The following WDR70 variants were observed in gnomAD, a reference collection of about 807,000 sequenced individuals.
WDR70 encodes the protein WD repeat-containing protein 70.
Under a neutral mutation model 88.6 loss-of-function variants are expected in WDR70, and 53 were observed. That is an observed-to-expected ratio of 0.60 (90% CI 0.48 to 0.75). The LOEUF is 0.75. Among genes scored for constraint, WDR70 ranks in the 30% least tolerant of loss-of-function variants. The pLI is 0.00. For missense variants in WDR70, 610 were observed against 823.2 expected (o/e 0.74, Z 3.17); for synonymous variants, 280 against 270.0 (o/e 1.04, Z -0.36).
At chr5:37,525,306 G>T (rs958196415) in intron 9 of WDR70, among the ~76,000 whole-genome samples, 4 of 152,132 alleles carry the variant, frequency 2.6e-5, no homozygotes, top group African/African-American at 9.7e-5. Flanking sequence ...AATCAAACTA[G>T]AACTCAGGAT....
intron 5 of WDR70, among the ~76,000 whole-genome samples, chr5:37,417,424 C>T (rs976866418): frequency 2.0e-5 from 3 of 152,038 alleles, no homozygotes; most frequent in African/African-American, 7.2e-5. Flanking sequence ...GGAGTTTCCT[C>T]ATATTGCCCA....
chr5:37,467,226 C>CAAA (rs202082473), intron 7 of WDR70, among the ~76,000 whole-genome samples: 10 of 135,284 alleles, frequency 7.4e-5, no homozygotes, highest in South Asian at 2.4e-4. Flanking sequence ...GACTCTGTCT[C>CAAA]AAAAAAAAAA....
intron 10 of WDR70, among the ~76,000 whole-genome samples, chr5:37,672,242 C>G (rs751393589): frequency 7.2e-5 from 11 of 152,124 alleles, no homozygotes; most frequent in Non-Finnish European, 1.3e-4. Context: ...GGTTTCCCCC[C>G]ACTGAGACAG....
chr5:37,501,711 A>G (rs1425327793), intron 8 of WDR70, among the ~76,000 whole-genome samples: 2 of 151,846 alleles, frequency 1.3e-5, no homozygotes, highest in African/African-American at 4.8e-5. Flanking sequence ...TCTTTCTCCA[A>G]TTTATGTTTT....
chr5:37,583,967 C>T (rs1388013985), intron 9 of WDR70, among the ~76,000 whole-genome samples: 4 of 152,102 alleles, frequency 2.6e-5, no homozygotes, highest in Non-Finnish European at 5.9e-5. Flanking sequence ...TTGTTAGGAC[C>T]TTACTTGTTT....
At chr5:37,688,547 A>G (rs1297135068) in intron 10 of WDR70, among the ~76,000 whole-genome samples, 2 of 152,034 alleles carry the variant, frequency 1.3e-5, no homozygotes, top group Non-Finnish European at 2.9e-5. Flanking sequence ...AGATCTTCCA[A>G]AAGTTTCATT....
At chr5:37,634,672 T>G (rs1744909863) in intron 10 of WDR70, among the ~76,000 whole-genome samples, 1 of 152,124 alleles carries the variant, frequency 6.6e-6, no homozygotes, top group Non-Finnish European at 1.5e-5. Context: ...ACCAAGTATG[T>G]GGAGTGAGAA....
intron 7 of WDR70, among the ~76,000 whole-genome samples, chr5:37,464,492 T>C (rs1481146630): frequency 6.6e-6 from 1 of 152,124 alleles, no homozygotes; most frequent in African/African-American, 2.4e-5. Flanking sequence ...TAATAGGGTT[T>C]TGGAGCAATG....
Position 37,600,341 on chromosome 5 carries a change from C to T in WDR70, c.918-4723C>T, listed in dbSNP as rs191617812. Among the ~76,000 whole-genome samples, 22 of 152,120 alleles carry T rather than the reference C, an allele frequency of 1.4e-4. No individual in the cohort carries two copies. The Middle Eastern group carries it at 0.01, about 71-fold the overall frequency. ...AGGAGATCGAGACCATCCTGGCTAA[C>T]ACGGTGAAACCCCATCTCTACTAAA... On this transcript the variant is annotated intron_variant, in intron 9 of 17. Transcript: ENST00000265107.
At chr5:37,411,689 G>A (rs539589862) in intron 5 of WDR70, among the ~76,000 whole-genome samples, 11 of 152,002 alleles carry the variant, frequency 7.2e-5, no homozygotes, top group South Asian at 4.1e-4. Context: ...TCATGCCACC[G>A]TACTCCTGCC....
intron 10 of WDR70, among the ~76,000 whole-genome samples, chr5:37,680,604 GT>G (rs1746397566): frequency 6.6e-6 from 1 of 152,160 alleles, no homozygotes; most frequent in Non-Finnish European, 1.5e-5. Flanking sequence ...TCCAGTTTCA[GT>G]TTTCTGCATA....
Position 37,479,816 on chromosome 5 carries a change from C to T in WDR70, c.687-18C>T. On this transcript the variant is annotated intron_variant, in intron 7 of 17. Coordinates refer to ENST00000265107, the MANE Select transcript of WDR70 (RefSeq NM_018034.4). ...TTGTGCTTAGTATCTTACCAACTTT[C>T]CTTTTCTTTTCGTACAGCCATCAGA... is the stretch of plus-strand genomic sequence containing the variant. 8.1e-6 allele frequency: 13 copies of T among 1,599,638 alleles called. No homozygotes were observed. Among genetic ancestry groups the T allele is most frequent in the Non-Finnish European group, 1.1e-5 (13 of 1,174,314 alleles).
rs1027191122 is a variant in WDR70, at chr5:37,532,738, G to A, written c.917+16148G>A. Among the ~76,000 whole-genome samples the A allele has an allele frequency of 5.9e-5, 9 of 151,920 alleles. No homozygotes were observed. In the East Asian group the frequency reaches 1.5e-3, roughly 26 times the overall value. On this transcript the variant is annotated intron_variant, in intron 9 of 17. Coordinates refer to ENST00000265107, the MANE Select transcript of WDR70 (RefSeq NM_018034.4). Reference sequence around the variant, plus strand: ...TGACTCCGTGATTCGCTTAATAATCGACCTTCTAAATTCTTTTTCTGGCAA... The same window carrying A: ...TGACTCCGTGATTCGCTTAATAATCAACCTTCTAAATTCTTTTTCTGGCAA...
intron 3 of WDR70, among the ~76,000 whole-genome samples, chr5:37,389,512 A>G (rs7723659): frequency 1 from 151,455 of 152,086 alleles, 75,413 homozygotes; most frequent in Non-Finnish European, 1. Flanking sequence ...CCGGGTTCAC[A>G]CCATTCTCCT....
At chr5:37,645,842 T>G (rs1386744656) in intron 10 of WDR70, among the ~76,000 whole-genome samples, 1 of 152,128 alleles carries the variant, frequency 6.6e-6, no homozygotes, top group East Asian at 1.9e-4. Flanking sequence ...CATCCTTTGT[T>G]TTCAGTCTAT....
At chr5:37,653,405 T>G (rs1745460897) in intron 10 of WDR70, among the ~76,000 whole-genome samples, 1 of 152,190 alleles carries the variant, frequency 6.6e-6, no homozygotes, top group South Asian at 2.1e-4. Flanking sequence ...ATTTTCTTTT[T>G]TTGTTGTTTC....
chr5:37,681,657 A>C (rs1251913575), intron 10 of WDR70, among the ~76,000 whole-genome samples: 2 of 152,178 alleles, frequency 1.3e-5, no homozygotes, highest in African/African-American at 4.8e-5. Flanking sequence ...GAATTTTATC[A>C]AAAGCCTTTT....
chr5:37,489,427 T>C (rs574468677), intron 8 of WDR70, among the ~76,000 whole-genome samples: 3 of 152,284 alleles, frequency 2.0e-5, no homozygotes, highest in African/African-American at 7.2e-5. Flanking sequence ...GTGGTGGCTG[T>C]GACAGACTGG....
In WDR70 at chr5:37,678,638, A is replaced by G. The variant is rs370208285; in HGVS notation, c.1093-19017A>G. 1.7e-4 allele frequency among the ~76,000 whole-genome samples: 26 copies of G among 151,916 alleles called. No homozygotes were observed. In the East Asian group the frequency reaches 2.5e-3, roughly 15 times the overall value. On this transcript the variant is annotated intron_variant, in intron 10 of 17. Coordinates refer to ENST00000265107, the MANE Select transcript of WDR70 (RefSeq NM_018034.4). Reference sequence around the variant, plus strand: ...ATGGGCTTCCCTTTGTGGGTAACCCAACCTTTCTCTCTGGCTGCCCTTAAC... The same window carrying G: ...ATGGGCTTCCCTTTGTGGGTAACCCGACCTTTCTCTCTGGCTGCCCTTAAC...
Sources: allele counts gnomAD v4.1 joint callset (sites outside exome capture counted in the v4.1 genomes callset), GRCh38; gene constraint gnomAD v4.1.1; transcripts MANE v1.5; gene names NCBI Gene and HGNC (gene_info 2026-07-23, HGNC 2026-07-21).